Variants in WWOX observed in about 807,000 individuals in gnomAD.
WWOX encodes WW domain-containing oxidoreductase.
Under a neutral mutation model 46.2 loss-of-function variants are expected in WWOX, and 69 were observed. The ratio of observed to expected loss-of-function variants is 1.49; its 90% confidence interval spans 1.23 to 1.82. WWOX has a LOEUF of 1.82. WWOX is among the 40% of genes most tolerant of loss of function. The pLI is 0.00. For synonymous variants in WWOX, 359 were observed against 202.6 expected (o/e 1.77, Z -6.56); for missense variants, 919 against 542.6 (o/e 1.69, Z -6.89).
intron 8 of WWOX, among the ~76,000 whole-genome samples, chr16:78,452,476 T>C (rs1672395340): frequency 1.1e-5 from 1 of 90,184 alleles, no homozygotes; most frequent in Admixed American, 1.0e-4. Flanking sequence ...TCTCTCTCTC[T>C]TTTTTTTTTT....
intron 8 of WWOX, chr16:78,898,604 C>G (rs1488615186): frequency 1.3e-5 from 2 of 152,136 alleles, no homozygotes; most frequent in South Asian, 4.2e-4. Context: ...AGATACTTTC[C>G]TTTTACATAT....
Position 79,157,113 on chromosome 16 carries a change from G to A in WWOX, c.1057-54495G>A, listed in dbSNP as rs868706719. 7.2e-5 allele frequency among the ~76,000 whole-genome samples: 11 copies of A among 152,300 alleles called. No individual in the cohort carries two copies. In the Middle Eastern group the frequency reaches 0.01, roughly 141 times the overall value. On this transcript the variant is annotated intron_variant, in intron 8 of 8. Coordinates refer to ENST00000566780, the MANE Select transcript of WWOX (RefSeq NM_016373.4). ...GTATTAGGAAAAACAGAGTAATTCT[G>A]TAGAAATATTCCTGATGATACACTA...
chr16:78,566,918 TAGC>T (rs1373869850), intron 8 of WWOX, among the ~76,000 whole-genome samples: 2 of 152,164 alleles, frequency 1.3e-5, no homozygotes, highest in Non-Finnish European at 2.9e-5. Flanking sequence ...GTATTAGTAA[TAGC>T]AGCAGTATCG....
chr16:79,032,157 TA>T (rs1193559417), intron 8 of WWOX, among the ~76,000 whole-genome samples: 7 of 145,594 alleles, frequency 4.8e-5, no homozygotes, highest in Non-Finnish European at 9.0e-5. Context: ...ACAAAGTCTA[TA>T]AAAACTGTTT....
intron 5 of WWOX, among the ~76,000 whole-genome samples, chr16:78,223,103 C>T (rs780997375): frequency 6.6e-6 from 1 of 152,170 alleles, no homozygotes; most frequent in Non-Finnish European, 1.5e-5. Flanking sequence ...ATTTGGGTAC[C>T]TGCTGCTTGT....
chr16:78,865,809 G>C (rs777395179), intron 8 of WWOX, among the ~76,000 whole-genome samples: 3 of 152,234 alleles, frequency 2.0e-5, no homozygotes, highest in Non-Finnish European at 2.9e-5. Flanking sequence ...GAACTCGGAA[G>C]GCAGAGTTTG....
chr16:78,237,096 A>G (rs1027612520), intron 5 of WWOX, among the ~76,000 whole-genome samples: 4 of 148,522 alleles, frequency 2.7e-5, no homozygotes, highest in Admixed American at 2.7e-4. Context: ...AAAAAAAAAA[A>G]TCTGTGTTCT....
chr16:79,000,478 G>C (rs913943054), intron 8 of WWOX, among the ~76,000 whole-genome samples: 1 of 152,132 alleles, frequency 6.6e-6, no homozygotes, highest in South Asian at 2.1e-4. Context: ...GAAAAGAGAG[G>C]CAGATGGGTC....
chr16:79,190,815 G>C (rs183920493), intron 8 of WWOX, among the ~76,000 whole-genome samples: 3 of 152,172 alleles, frequency 2.0e-5, no homozygotes, highest in Admixed American at 2.0e-4. Context: ...GCAAAGTTGA[G>C]TACTTATAAA....
rs558030365 is a variant in WWOX at position 79,143,552 on chromosome 16, A to G, written c.1057-68056A>G. On this transcript the variant is annotated intron_variant, in intron 8 of 8. Coordinates refer to ENST00000566780, the MANE Select transcript of WWOX (RefSeq NM_016373.4). ...TGGAGTTTTATTCTTGATACATACC[A>G]ATGATTTACTCAGATCCGTTAGAAA... Among the ~76,000 whole-genome samples the G allele has an allele frequency of 2.0e-5, 3 of 152,336 alleles. No homozygotes were observed. In the South Asian group the frequency reaches 6.2e-4, roughly 32 times the overall value.
chr16:78,590,146 G>GTGTCTCTC lies in WWOX; in HGVS notation c.1056+157395_1056+157396insGTCTCTCT, dbSNP rs1555569766. Among the ~76,000 whole-genome samples, 8 of 149,728 alleles carry GTGTCTCTC rather than the reference G, an allele frequency of 5.3e-5. No individual in the cohort carries two copies. In the South Asian group the frequency reaches 6.5e-4, roughly 12 times the overall value. On this transcript the variant is annotated intron_variant, in intron 8 of 8. Coordinates refer to ENST00000566780, the MANE Select transcript of WWOX (RefSeq NM_016373.4). ...ATGTCTGATAGATATTAGGCATTCA[G>GTGTCTCTC]TCTCTCTCTCTCTCTCTGTTTATTA...
At chr16:78,783,302 A>C (rs1406546180) in intron 8 of WWOX, among the ~76,000 whole-genome samples, 1 of 152,220 alleles carries the variant, frequency 6.6e-6, no homozygotes, top group Non-Finnish European at 1.5e-5. Flanking sequence ...GGCACTGTGC[A>C]GTTGAATGAA....
chr16:78,698,015 A>G (rs1236826790), intron 8 of WWOX, among the ~76,000 whole-genome samples: 2 of 152,208 alleles, frequency 1.3e-5, no homozygotes, highest in Non-Finnish European at 2.9e-5. Context: ...AGGTCAAGAT[A>G]TACTATGTGT....
chr16:78,158,554 A>G (rs2151729243), intron 4 of WWOX, among the ~76,000 whole-genome samples: 1 of 149,990 alleles, frequency 6.7e-6, no homozygotes, highest in Non-Finnish European at 1.5e-5. Flanking sequence ...GAACTTTTTC[A>G]GTTTTCCATT....
At chr16:79,046,653 G>T (rs1282131001) in intron 8 of WWOX, among the ~76,000 whole-genome samples, 1 of 152,100 alleles carries the variant, frequency 6.6e-6, no homozygotes, top group Non-Finnish European at 1.5e-5. Context: ...GGACTCCACG[G>T]TGAGCATAGC....
chr16:78,557,727 ACT>A (rs2044339243), intron 8 of WWOX, among the ~76,000 whole-genome samples: 1 of 106,310 alleles, frequency 9.4e-6, no homozygotes, highest in Admixed American at 1.1e-4. Context: ...CAGGAGTCTC[ACT>A]CTGTTGTCCA....
At chr16:78,183,559 A>G (rs1358319470) in intron 5 of WWOX, among the ~76,000 whole-genome samples, 5 of 152,192 alleles carry the variant, frequency 3.3e-5, no homozygotes, top group African/African-American at 4.8e-5. Context: ...CCTACAAGAA[A>G]TGGAGGTATT....
intron 5 of WWOX, among the ~76,000 whole-genome samples, chr16:78,359,485 A>C (rs553533966): frequency 4.6e-5 from 7 of 152,316 alleles, no homozygotes; most frequent in African/African-American, 1.7e-4. Context: ...GTTGGTACTT[A>C]AGAAATCGTT....
intron 8 of WWOX, among the ~76,000 whole-genome samples, chr16:78,547,043 G>T (rs117155323): frequency 0.067 from 10,066 of 149,258 alleles, 427 homozygotes; most frequent in East Asian, 0.12. Flanking sequence ...TTCGAGGGTT[G>T]CTTGAGCCTG....
Sources: allele counts gnomAD v4.1 joint callset (sites outside exome capture counted in the v4.1 genomes callset), GRCh38; gene constraint gnomAD v4.1.1; transcripts MANE v1.5; gene names NCBI Gene and HGNC (gene_info 2026-07-23, HGNC 2026-07-21).